R3HDM2: variants seen among roughly 807,000 people sequenced by gnomAD.
The protein encoded by R3HDM2 is R3H domain containing 2, also known as R3H domain-containing protein 2.
Under a neutral mutation model 124.5 loss-of-function variants are expected in R3HDM2, and 38 were observed. The observed-to-expected ratio is 0.31, with a 90% CI of 0.24 to 0.40. R3HDM2 has a LOEUF of 0.40. Among genes scored for constraint, R3HDM2 ranks in the 10% least tolerant of loss-of-function variants. The pLI is 1.00. For synonymous variants in R3HDM2, 391 were observed against 448.0 expected, an observed-to-expected ratio of 0.87 and a Z score of 1.61; for missense variants, 869 against 1,236.9, an observed-to-expected ratio of 0.70 and a Z score of 4.46.
At chr12:57,282,649 C>A (rs1309865783) in intron 13 of R3HDM2, among the ~76,000 whole-genome samples, 1 of 151,830 alleles carries the variant, frequency 6.6e-6, no homozygotes, top group East Asian at 1.9e-4. Context: ...AACAGCAAGA[C>A]CCCGACTCTT....
intron 14 of R3HDM2, among the ~76,000 whole-genome samples, chr12:57,270,963 A>G (rs1203655961): frequency 6.6e-6 from 1 of 152,228 alleles, no homozygotes; most frequent in African/African-American, 2.4e-5. Flanking sequence ...CTTAACGAAA[A>G]AGATTAAAGA....
intron 2 of R3HDM2, among the ~76,000 whole-genome samples, chr12:57,377,103 T>TAAATAAATAAAA (rs1186751434): frequency 2.2e-4 from 27 of 121,750 alleles, no homozygotes; most frequent in African/African-American, 6.8e-4. Context: ...AATAAATAAA[T>TAAATAAATAAAA]AAAAGAGACT....
chr12:57,428,487 G>A (rs1020706209), intron 1 of R3HDM2, among the ~76,000 whole-genome samples: 12 of 148,040 alleles, frequency 8.1e-5, no homozygotes, highest in Middle Eastern at 3.4e-3. Flanking sequence ...AACATTAGCC[G>A]GGTATGGTGG....
intron 14 of R3HDM2, among the ~76,000 whole-genome samples, chr12:57,277,348 G>T (rs1014534007): frequency 6.6e-6 from 1 of 152,148 alleles, no homozygotes; most frequent in Non-Finnish European, 1.5e-5. Flanking sequence ...GCCCTGCCAG[G>T]AAGGGAAAGA....
In R3HDM2 at chr12:57,253,873, C is replaced by A; in HGVS notation, c.*900G>T. On this transcript the variant is annotated 3_prime_UTR_variant, in exon 24 of 24. Transcript: ENST00000402412. ...AAATAAAATTTACAGTGAATATACC[C>A]AGCAAACATCTGTATGTGCAATTAA... The A allele has an allele frequency of 4.9e-6, 1 of 203,362 alleles. No homozygotes were observed. The highest frequency in any genetic ancestry group is 9.9e-6 in the Non-Finnish European group (1 of 101,278). The allele number at this position is 203,362 out of a possible 1,614,324, so 12.6% of individuals were successfully genotyped here.
At chr12:57,282,120 G>C (rs2046292831) in intron 13 of R3HDM2, among the ~76,000 whole-genome samples, 1 of 151,946 alleles carries the variant, frequency 6.6e-6, no homozygotes, top group Non-Finnish European at 1.5e-5. Flanking sequence ...GACCAGCCTG[G>C]CCAACGTGGT....
At chr12:57,258,829 T>C in intron 20 of R3HDM2, 61 bp downstream of exon 20, 1 of 1,398,818 alleles carries the variant, frequency 7.1e-7, no homozygotes, top group Non-Finnish European at 9.4e-7. Flanking sequence ...ATAGCAAACA[T>C]TGCGCCCCGG....
intron 17 of R3HDM2, 40 bp from the exon 18 acceptor site, chr12:57,268,497 C>T (rs765162678): frequency 1.9e-6 from 3 of 1,606,232 alleles, no homozygotes; most frequent in Non-Finnish European, 1.7e-6. Flanking sequence ...CATTCGCATT[C>T]ACATTGAGCT....
intron 23 of R3HDM2, 58 bp downstream of exon 23, chr12:57,255,932 A>T: frequency 6.9e-7 from 1 of 1,459,144 alleles, no homozygotes; most frequent in Non-Finnish European, 9.5e-7. Flanking sequence ...CTGGACTGGT[A>T]ATTAAGCGCT....
rs769703476 is a variant in R3HDM2 at position 57,254,722 on chromosome 12, C to A, written c.*51G>T. The A allele has an allele frequency of 7.0e-7, 1 of 1,424,700 alleles. No individual in the cohort carries two copies. Among genetic ancestry groups the A allele is most frequent in the Non-Finnish European group, 9.6e-7 (1 of 1,046,156 alleles). The allele number at this position is 1,424,700 out of a possible 1,614,324, so 88.3% of individuals were successfully genotyped here. ...ATGGTCTGTCAGGATCCTTCAACCC[C>A]CTCCACCCTGCCCTTGCTCCTTCTG... On this transcript the variant is annotated 3_prime_UTR_variant, in exon 24 of 24. Transcript: ENST00000402412.
At chr12:57,392,965 C>T (rs961177317) in intron 2 of R3HDM2, among the ~76,000 whole-genome samples, 2 of 151,864 alleles carry the variant, frequency 1.3e-5, no homozygotes, top group Non-Finnish European at 2.9e-5. Context: ...CCACCACGCC[C>T]AGCTAATTTT....
At chr12:57,280,823 C>G (rs951583756) in intron 13 of R3HDM2, among the ~76,000 whole-genome samples, 11 of 152,184 alleles carry the variant, frequency 7.2e-5, no homozygotes, top group Admixed American at 4.6e-4. Flanking sequence ...AGCACCTCCC[C>G]TGAAGTGTCT....
chr12:57,421,936 A>C lies in R3HDM2; in HGVS notation c.-106+8784T>G, dbSNP rs555744814. On this transcript the variant is annotated intron_variant, in intron 1 of 23. Coordinates refer to ENST00000402412, the MANE Select transcript of R3HDM2 (RefSeq NM_001394031.1). ...ACATGGTGAAACCCATCTCTACTAA[A>C]AATACAAAAATTAGCCGGGTGTGGT... is the stretch of plus-strand genomic sequence containing the variant. Among the ~76,000 whole-genome samples, 8 of 152,120 alleles carry C rather than the reference A, an allele frequency of 5.3e-5. No individual in the cohort carries two copies. In the East Asian group the frequency reaches 1.5e-3, roughly 29 times the overall value.
intron 2 of R3HDM2, among the ~76,000 whole-genome samples, chr12:57,359,553 CCTTCTACTT>C (rs1468992624): frequency 1.3e-5 from 2 of 152,110 alleles, no homozygotes; most frequent in African/African-American, 4.8e-5. Context: ...CGTCTTTCAT[CCTTCTACTT>C]TTAGTCTGTG....
chr12:57,273,571 T>C (rs2044050790), intron 14 of R3HDM2, among the ~76,000 whole-genome samples: 1 of 152,162 alleles, frequency 6.6e-6, no homozygotes, highest in Non-Finnish European at 1.5e-5. Flanking sequence ...TAACTTGTAT[T>C]TGCAAATAAA....
chr12:57,403,772 T>C (rs1444638141), intron 1 of R3HDM2, among the ~76,000 whole-genome samples: 1 of 150,912 alleles, frequency 6.6e-6, no homozygotes, highest in Non-Finnish European at 1.5e-5. Flanking sequence ...TGAGCCAAGA[T>C]GATGCCACTA....
intron 1 of R3HDM2, among the ~76,000 whole-genome samples, chr12:57,414,505 A>G (rs1342338513): frequency 6.8e-6 from 1 of 146,728 alleles, no homozygotes; most frequent in African/African-American, 2.5e-5. Flanking sequence ...AAAAAAAAAA[A>G]AAAAACGAAA....
At chr12:57,385,949 G>T (rs1391650432) in intron 2 of R3HDM2, among the ~76,000 whole-genome samples, 1 of 152,020 alleles carries the variant, frequency 6.6e-6, no homozygotes, top group African/African-American at 2.4e-5. Flanking sequence ...TATATGAAAT[G>T]GAATATTGTA....
intron 7 of R3HDM2, chr12:57,297,623 T>A: frequency 2.4e-6 from 1 of 425,076 alleles, no homozygotes; most frequent in South Asian, 4.1e-5. Flanking sequence ...TATACTTTGT[T>A]ATACCATATC....
Sources: gnomAD v4.1 joint callset for allele counts (sites outside exome capture counted in the v4.1 genomes callset) on GRCh38, gnomAD v4.1.1 for gene constraint, MANE v1.5 for transcripts, NCBI Gene and HGNC (gene_info 2026-07-23, HGNC 2026-07-21) for gene names.